Variants in CALN1 observed in about 807,000 individuals in gnomAD.
CALN1 encodes calcium-binding protein 8.
CALN1 carries 17 observed loss-of-function variants against 30.6 expected under a neutral mutation model. That is an observed-to-expected ratio of 0.56 (90% CI 0.38 to 0.83). The LOEUF is 0.83. Ranked by LOEUF, CALN1 falls within the 40% of genes least tolerant of loss-of-function variation. The pLI is 0.00. For synonymous variants in CALN1, 156 were observed against 131.4 expected (o/e 1.19, Z -1.28); for missense variants, 291 against 354.9 (o/e 0.82, Z 1.45).
At chr7:72,469,889 C>T in the CALN1 span, among the ~76,000 whole-genome samples, 1 of 152,152 alleles carries the variant, frequency 6.6e-6, no homozygotes, top group Admixed American at 6.5e-5. Context: ...TCATAAGCAG[C>T]CTCCTAAATT....
rs1381762528 is a variant in CALN1, at chr7:71,786,447, AC to A, written c.*1327del. On this transcript the variant is annotated 3_prime_UTR_variant, in exon 7 of 7. Coordinates refer to ENST00000395275, the MANE Select transcript of CALN1 (RefSeq NM_031468.4). ...TCTAGGAAAAGTCAGGAAATTACAG[AC>A]TTGGAATGGTGTTGAAAACAGATCC... 1.3e-5 allele frequency: 2 copies of A among 152,184 alleles called. No homozygotes were observed. Among genetic ancestry groups the A allele is most frequent in the African/African-American group, 4.8e-5 (2 of 41,436 alleles). The allele number at this position is 152,184 out of a possible 1,614,324, so 9.4% of individuals were successfully genotyped here. A position where few individuals can be genotyped will look rare whatever the true frequency, so the allele number is the denominator to read the frequency against.
chr7:71,788,478 GTTTTTTTTTGTTGTT>G (rs1793106353), intron 6 of CALN1, among the ~76,000 whole-genome samples: 1 of 141,788 alleles, frequency 7.1e-6, no homozygotes, highest in African/African-American at 2.7e-5. Context: ...TTACTAAGAG[GTTTTTTTTTGTTGTT>G]TTTTTTTTTT....
intron 2 of CALN1, among the ~76,000 whole-genome samples, chr7:72,394,551 A>C (rs1315651000): frequency 6.6e-6 from 1 of 152,108 alleles, no homozygotes; most frequent in Non-Finnish European, 1.5e-5. Flanking sequence ...TGTTGAGTGA[A>C]AAAAAAGTTG....
chr7:72,496,125 T>C, the CALN1 span, among the ~76,000 whole-genome samples: 1 of 152,212 alleles, frequency 6.6e-6, no homozygotes, highest in Non-Finnish European at 1.5e-5. Context: ...TTTTGCCATG[T>C]TGGCCAGGCT....
intron 5 of CALN1, among the ~76,000 whole-genome samples, chr7:71,912,186 C>T (rs1033366862): frequency 1.2e-4 from 18 of 151,978 alleles, no homozygotes. Context: ...CTTAAGTGGC[C>T]GGCCAAACAG....
intron 2 of CALN1, among the ~76,000 whole-genome samples, chr7:72,288,119 C>A (rs181505420): frequency 6.6e-6 from 1 of 152,118 alleles, no homozygotes. Flanking sequence ...CCTCTGATTG[C>A]GGTCAAGACA....
chr7:72,347,489 C>T (rs923095906), intron 2 of CALN1, among the ~76,000 whole-genome samples: 1 of 152,102 alleles, frequency 6.6e-6, no homozygotes, highest in African/African-American at 2.4e-5. Context: ...TGGTCTCCAA[C>T]TCCCGACCTC....
At chr7:72,029,479 T>C (rs1801300094) in intron 4 of CALN1, among the ~76,000 whole-genome samples, 1 of 152,106 alleles carries the variant, frequency 6.6e-6, no homozygotes, top group Non-Finnish European at 1.5e-5. Flanking sequence ...CCCTGGGTGA[T>C]AGGAATGTCT....
At chr7:71,834,231 AAAAAAAAACCAAC>A (rs1789467220) in intron 5 of CALN1, among the ~76,000 whole-genome samples, 2 of 141,022 alleles carry the variant, frequency 1.4e-5, no homozygotes, top group African/African-American at 5.1e-5. Context: ...AAAAAAAAAA[AAAAAAAAACCAAC>A]AAAAAAAAAC....
intron 5 of CALN1, among the ~76,000 whole-genome samples, chr7:71,905,527 G>A (rs113654072): frequency 1.2e-4 from 18 of 151,996 alleles, no homozygotes; most frequent in African/African-American, 3.6e-4. Context: ...GACATCCTAC[G>A]GAACATCTCA....
At chr7:72,489,234 A>C in the CALN1 span, among the ~76,000 whole-genome samples, 1 of 152,212 alleles carries the variant, frequency 6.6e-6, no homozygotes, top group Non-Finnish European at 1.5e-5. Context: ...GAACAAGGGA[A>C]AATCATTCTC....
chr7:72,296,262 T>A (rs1798845648), intron 2 of CALN1, among the ~76,000 whole-genome samples: 1 of 150,158 alleles, frequency 6.7e-6, no homozygotes, highest in African/African-American at 2.4e-5. Context: ...GGATTCAGTT[T>A]GCCAGTATTT....
intron 3 of CALN1, among the ~76,000 whole-genome samples, chr7:72,118,510 G>A (rs1029097199): frequency 3.9e-5 from 6 of 152,304 alleles, no homozygotes; most frequent in South Asian, 2.1e-4. Flanking sequence ...GTCCCCAAAC[G>A]TTACACCTGG....
chr7:71,861,384 T>C (rs1353408878), intron 5 of CALN1, among the ~76,000 whole-genome samples: 2 of 152,138 alleles, frequency 1.3e-5, no homozygotes, highest in Non-Finnish European at 2.9e-5. Context: ...AAAATCTCTT[T>C]TTTAATCCCT....
At chr7:72,177,890 G>A (rs930414926) in intron 3 of CALN1, among the ~76,000 whole-genome samples, 6 of 151,870 alleles carry the variant, frequency 4.0e-5, no homozygotes, top group Non-Finnish European at 8.8e-5. Flanking sequence ...ACATGTTCGC[G>A]TCCCTTAGCA....
intron 2 of CALN1, among the ~76,000 whole-genome samples, chr7:72,351,669 AC>A (rs1419606905): frequency 1.3e-5 from 2 of 152,152 alleles, no homozygotes; most frequent in Non-Finnish European, 2.9e-5. Flanking sequence ...ACATTGTTAA[AC>A]CCCAGAACAC....
chr7:72,347,278 C>G (rs1294967367), intron 2 of CALN1, among the ~76,000 whole-genome samples: 1 of 151,184 alleles, frequency 6.6e-6, no homozygotes, highest in African/African-American at 2.4e-5. Context: ...ACGGAGTTCC[C>G]CTCTTTTTGC....
upstream of CALN1, among the ~76,000 whole-genome samples, chr7:72,448,809 G>A (rs1302039422): frequency 1.3e-5 from 2 of 152,154 alleles, no homozygotes; most frequent in African/African-American, 4.8e-5. Flanking sequence ...GTTTCACCAT[G>A]TTGGCCAGGC....
At chr7:72,413,213 A>ACACT (rs1343300282), upstream of CALN1, among the ~76,000 whole-genome samples, 1 of 151,158 alleles carries the variant, frequency 6.6e-6, no homozygotes, top group African/African-American at 2.4e-5. Context: ...ACACACACAC[A>ACACT]CTCATACACA....
Sources: allele counts gnomAD v4.1 joint callset (sites outside exome capture counted in the v4.1 genomes callset), GRCh38; gene constraint gnomAD v4.1.1; transcripts MANE v1.5; gene names NCBI Gene and HGNC (gene_info 2026-07-23, HGNC 2026-07-21).